Variants in PRKG1 observed in about 807,000 individuals in gnomAD.
PRKG1 encodes protein kinase cGMP-dependent 1.
A neutral mutation model predicts 88.1 loss-of-function variants in PRKG1; 35 were observed. The observed-to-expected ratio is 0.40, with a 90% confidence interval of 0.30 to 0.53. The LOEUF is 0.53. PRKG1 is among the 20% of genes least tolerant of loss of function. The pLI is 0.59. For missense variants in PRKG1, 540 were observed against 839.8 expected, an observed-to-expected ratio of 0.64 and a Z score of 4.41; for synonymous variants, 303 against 292.5, an observed-to-expected ratio of 1.04 and a Z score of -0.37.
In PRKG1 at chr10:52,105,207, C is replaced by T. The variant is rs200638249; in HGVS notation, c.936-28633C>T. 1.1e-4 allele frequency among the ~76,000 whole-genome samples: 16 copies of T among 151,210 alleles called. No individual in the cohort carries two copies. The East Asian group carries it at 3.1e-3, about 29-fold the overall frequency. On this transcript the variant is annotated intron_variant, in intron 7 of 17. Transcript: ENST00000373980. ...AGACAACTGTTTTTTTTTTTATTAC[C>T]AATTGGAAGAAACACATATATGGGT... is the stretch of plus-strand genomic sequence containing the variant.
intron 2 of PRKG1, among the ~76,000 whole-genome samples, chr10:51,414,642 C>T (rs969574771): frequency 1.3e-5 from 2 of 152,170 alleles, no homozygotes; most frequent in South Asian, 4.2e-4. Flanking sequence ...ATCAGCTTTA[C>T]ACCCCTGTAA....
chr10:52,230,380 C>T (rs1437696712), intron 9 of PRKG1, among the ~76,000 whole-genome samples: 1 of 152,172 alleles, frequency 6.6e-6, no homozygotes, highest in Admixed American at 6.5e-5. Flanking sequence ...TAATGATCAT[C>T]TTTTATTATT....
At chr10:51,704,529 TG>T (rs1841558067) in intron 3 of PRKG1, among the ~76,000 whole-genome samples, 1 of 152,128 alleles carries the variant, frequency 6.6e-6, no homozygotes, top group Non-Finnish European at 1.5e-5. Context: ...TTTGATGAAA[TG>T]GATATGCAAT....
intron 3 of PRKG1, among the ~76,000 whole-genome samples, chr10:51,623,647 A>G (rs530174217): frequency 6.6e-6 from 1 of 152,326 alleles, no homozygotes; most frequent in East Asian, 1.9e-4. Flanking sequence ...TGCTTATGGA[A>G]TAGTGATATA....
At chr10:51,669,318 G>A (rs1840499298) in intron 3 of PRKG1, among the ~76,000 whole-genome samples, 1 of 152,182 alleles carries the variant, frequency 6.6e-6, no homozygotes, top group African/African-American at 2.4e-5. Context: ...TGAAAAGGGA[G>A]ATCTGATGTC....
intron 9 of PRKG1, among the ~76,000 whole-genome samples, chr10:52,174,615 T>A (rs1838805738): frequency 6.6e-6 from 1 of 152,040 alleles, no homozygotes; most frequent in South Asian, 2.1e-4. Flanking sequence ...AATTGCATTA[T>A]ATGGGTTGTG....
chr10:51,434,125 G>A (rs574197840), intron 2 of PRKG1, among the ~76,000 whole-genome samples: 1 of 152,094 alleles, frequency 6.6e-6, no homozygotes, highest in Non-Finnish European at 1.5e-5. Context: ...AACAATGCTA[G>A]CAAGTTTTGC....
chr10:51,875,265 T>C (rs886895580), intron 4 of PRKG1, among the ~76,000 whole-genome samples: 1 of 151,246 alleles, frequency 6.6e-6, no homozygotes, highest in Admixed American at 6.6e-5. Context: ...TATTAGACCA[T>C]ACAGCTGGTA....
intron 2 of PRKG1, among the ~76,000 whole-genome samples, chr10:51,181,112 G>A (rs1440133791): frequency 6.6e-6 from 1 of 151,868 alleles, no homozygotes; most frequent in African/African-American, 2.4e-5. Context: ...AAAGGATTCT[G>A]GGGCAAATAT....
chr10:51,473,306 A>T (rs1490067660), intron 3 of PRKG1, among the ~76,000 whole-genome samples: 2 of 151,606 alleles, frequency 1.3e-5, no homozygotes, highest in African/African-American at 2.4e-5. Context: ...TTTTAATCTC[A>T]TTTTTTTTGT....
At chr10:51,234,055 G>A (rs1838916507) in intron 2 of PRKG1, among the ~76,000 whole-genome samples, 1 of 152,130 alleles carries the variant, frequency 6.6e-6, no homozygotes. Flanking sequence ...TTGGGAGCCT[G>A]TTTAGTGCCC....
chr10:51,656,628 T>G (rs1178441841), intron 3 of PRKG1, among the ~76,000 whole-genome samples: 1 of 152,152 alleles, frequency 6.6e-6, no homozygotes, highest in Admixed American at 6.6e-5. Context: ...CATGTTCATT[T>G]GCCTACTCTC....
chr10:51,837,617 C>A (rs749549539), intron 4 of PRKG1, among the ~76,000 whole-genome samples: 7 of 152,098 alleles, frequency 4.6e-5, no homozygotes, highest in Non-Finnish European at 1.0e-4. Context: ...CTCTGGAAAT[C>A]CTTCGTGGCT....
intron 3 of PRKG1, among the ~76,000 whole-genome samples, chr10:51,791,904 A>G (rs1242594304): frequency 6.6e-6 from 1 of 152,180 alleles, no homozygotes; most frequent in Admixed American, 6.5e-5. Flanking sequence ...CTATGCATTC[A>G]GTCCATTGAC....
chr10:52,053,278 TA>T (rs536739536), intron 5 of PRKG1, among the ~76,000 whole-genome samples: 12 of 152,018 alleles, frequency 7.9e-5, no homozygotes, highest in Non-Finnish European at 1.3e-4. Context: ...TACTTTTGAG[TA>T]AAAAAACTAG....
At chr10:51,414,194 A>G (rs545650977) in intron 2 of PRKG1, among the ~76,000 whole-genome samples, 261 of 152,352 alleles carry the variant, frequency 1.7e-3, no homozygotes, top group African/African-American at 6.1e-3. Flanking sequence ...TTCTTGCCTC[A>G]GAATCATATT....
Position 52,294,579 on chromosome 10 carries a change from G to A in PRKG1, c.*679G>A, listed in dbSNP as rs1056140363. The A allele has an allele frequency of 3.9e-5, 6 of 152,468 alleles. No individual in the cohort carries two copies. Among genetic ancestry groups the A allele is most frequent in the African/African-American group, 1.4e-4 (6 of 41,430 alleles). The allele number at this position is 152,468 out of a possible 1,614,324, so 9.4% of individuals were successfully genotyped here. On this transcript the variant is annotated 3_prime_UTR_variant, in exon 18 of 18. Transcript: ENST00000373980. Reference sequence around the variant, plus strand: ...GACCTCTCATAGTAGGTATATATGAGTTTTCACAGAAGACTGAAAAATAAT... The same window carrying A: ...GACCTCTCATAGTAGGTATATATGAATTTTCACAGAAGACTGAAAAATAAT...
intron 8 of PRKG1, among the ~76,000 whole-genome samples, chr10:52,142,381 A>G (rs1050271924): frequency 6.6e-6 from 1 of 152,156 alleles, no homozygotes; most frequent in African/African-American, 2.4e-5. Context: ...AGGGATGTCT[A>G]AAAAGAGTTT....
chr10:51,353,695 G>A (rs1842302558), intron 2 of PRKG1, among the ~76,000 whole-genome samples: 1 of 152,174 alleles, frequency 6.6e-6, no homozygotes, highest in African/African-American at 2.4e-5. Context: ...TACACTGTTG[G>A]TGGGAATGTA....
Sources: allele counts gnomAD v4.1 joint callset (sites outside exome capture counted in the v4.1 genomes callset), GRCh38; gene constraint gnomAD v4.1.1; transcripts MANE v1.5; gene names NCBI Gene and HGNC (gene_info 2026-07-23, HGNC 2026-07-21).